Variants in RAPGEF2 observed in about 807,000 individuals in gnomAD.
RAPGEF2 encodes the protein PDZ domain containing guanine nucleotide exchange factor (GEF) 1.
RAPGEF2 carries 54 observed loss-of-function variants against 186.7 expected under a neutral mutation model. That is an observed-to-expected ratio of 0.29 (90% CI 0.23 to 0.36). The LOEUF (loss-of-function observed/expected upper bound fraction) is 0.36. RAPGEF2 is among the 10% of genes least tolerant of loss of function. The probability of loss-of-function intolerance (pLI) is 1.00; values close to 1 mark genes in which losing one functional copy is unlikely to be tolerated. For synonymous variants in RAPGEF2, 712 were observed against 705.9 expected (o/e 1.01, Z -0.14); for missense variants, 1,532 against 2,045.0 (o/e 0.75, Z 4.84).
At chr4:159,296,517 G>A (rs762038717) in intron 7 of RAPGEF2, among the ~76,000 whole-genome samples, 21 of 152,134 alleles carry the variant, frequency 1.4e-4, no homozygotes, top group South Asian at 4.1e-4. Flanking sequence ...CTCCCTAGCC[G>A]TTCATCTGGG....
intron 7 of RAPGEF2, among the ~76,000 whole-genome samples, chr4:159,289,612 A>G (rs2110946971): frequency 6.6e-6 from 1 of 152,208 alleles, no homozygotes; most frequent in East Asian, 1.9e-4. Context: ...AATACTTACT[A>G]TACCTTAGGT....
chr4:159,141,186 C>A (rs1328576575), intron 1 of RAPGEF2, among the ~76,000 whole-genome samples: 1 of 152,220 alleles, frequency 6.6e-6, no homozygotes, highest in Non-Finnish European at 1.5e-5. Flanking sequence ...CTGTATACCA[C>A]TGTTCCAAAT....
At chr4:159,236,319 A>T (rs970877487) in intron 4 of RAPGEF2, among the ~76,000 whole-genome samples, 3 of 152,360 alleles carry the variant, frequency 2.0e-5, no homozygotes, top group Admixed American at 2.0e-4. Context: ...CCCCAAAGTA[A>T]TAGTGTGCTA....
intron 2 of RAPGEF2, among the ~76,000 whole-genome samples, chr4:159,188,701 A>T (rs1405170949): frequency 6.6e-6 from 1 of 151,908 alleles, no homozygotes; most frequent in Non-Finnish European, 1.5e-5. Flanking sequence ...AAGAAAAGGT[A>T]TAAAAATACT....
chr4:159,337,889 CAAAAAAA>C lies in RAPGEF2; in HGVS notation c.2136-404_2136-398del, dbSNP rs553291521. 4.6e-4 allele frequency among the ~76,000 whole-genome samples: 15 copies of C among 32,576 alleles called. 1 individual carries two copies. Among genetic ancestry groups the C allele is most frequent in the South Asian group, 3.9e-3 (2 of 514 alleles). 21.4% of individuals were successfully genotyped at this position (32,576 alleles called of 152,430 possible). On this transcript the variant is annotated intron_variant, in intron 17 of 29. Transcript: ENST00000691494. ...TGGGTGACAGAGTGAGACTCCATCTCAAAAAAAAAAAAAAAAAAAAAAAAGAAAGAAA... is the reference window on the plus strand; with the variant it reads ...TGGGTGACAGAGTGAGACTCCATCTCAAAAAAAAAAAAAAAAAGAAAGAAA...
intron 6 of RAPGEF2, 66 bp from the exon 7 acceptor site, chr4:159,243,708 G>T (rs1186200338): frequency 9.5e-7 from 1 of 1,051,826 alleles, no homozygotes; most frequent in South Asian, 1.3e-5. Context: ...ATGTAATATA[G>T]CATGTCTGAT....
At chr4:159,251,622 A>G (rs1422201849) in intron 7 of RAPGEF2, among the ~76,000 whole-genome samples, 1 of 152,086 alleles carries the variant, frequency 6.6e-6, no homozygotes, top group Admixed American at 6.5e-5. Context: ...CTCTGTGTCT[A>G]GCAAGTCTCG....
intron 1 of RAPGEF2, among the ~76,000 whole-genome samples, chr4:159,172,444 A>G (rs4132668): frequency 0.49 from 74,281 of 151,890 alleles, 20,104 homozygotes; most frequent in African/African-American, 0.74. Context: ...TTCATAGGAT[A>G]TTCACTCTTA....
intron 1 of RAPGEF2, among the ~76,000 whole-genome samples, chr4:159,109,460 G>T (rs1001923888): frequency 6.6e-6 from 1 of 152,208 alleles, no homozygotes; most frequent in African/African-American, 2.4e-5. Context: ...TTCCTCGTCG[G>T]TAAAATGGAT....
At chr4:159,347,059 GA>G in intron 25 of RAPGEF2, 61 bp downstream of exon 25, 1 of 1,428,280 alleles carries the variant, frequency 7.0e-7, no homozygotes, top group South Asian at 1.3e-5. Context: ...TGCAAATTAG[GA>G]AAAAAATATT....
chr4:159,137,955 T>G (rs1741903989), intron 1 of RAPGEF2, among the ~76,000 whole-genome samples: 1 of 152,254 alleles, frequency 6.6e-6, no homozygotes, highest in Non-Finnish European at 1.5e-5. Flanking sequence ...GTTTTTAAAT[T>G]CTTTTCTTGA....
rs1388010441 is a variant in RAPGEF2 at position 159,339,242 on chromosome 4, C to T, written c.2422C>T (p.Pro808Ser). Residue 808 changes from proline (P) to serine (S), a missense_variant, in exon 19 of 30, where the codon CCG becomes TCG. Pro to Ser is a moderately conservative substitution (Grantham distance 74, BLOSUM62 -1). Around this residue, in one of 4 missense-constraint regions of RAPGEF2, gnomAD observed 810 missense variants for 1,210.5 expected, o/e 0.67. Transcript: ENST00000691494. ...AIREFAVTAT[P>S]DQYSLCEVSV... is the part of the protein sequence containing the mutation. ...CAGGGAGTTTGCTGTTACTGCCACC[C>T]CGGATCAATATTCACTATGTGAGGT... is the stretch of plus-strand genomic sequence containing the variant. The T allele has an allele frequency of 3.1e-6, 5 of 1,613,932 alleles. No homozygotes were observed. In the South Asian group the frequency reaches 5.5e-5, roughly 18 times the overall value.
intron 1 of RAPGEF2, among the ~76,000 whole-genome samples, chr4:159,182,715 G>A (rs1333664802): frequency 6.6e-6 from 1 of 151,936 alleles, no homozygotes; most frequent in East Asian, 1.9e-4. Context: ...TCTTTAAAAG[G>A]TTTCTAATTC....
Position 159,331,818 on chromosome 4 carries a change from G to T in RAPGEF2, c.1764G>T (p.Leu588Phe). ...GTAGCAAAGCAACTGAAGCAGGCTT[G>T]AAACGGGGGGATCAGGTATGCCATT... ...DSGSKATEAG[L>F]KRGDQILEVN... The change falls in exon 15 of 30, where the codon TTG (leucine) becomes TTT (phenylalanine). Residue 588 changes from leucine to phenylalanine, a missense_variant. By Grantham distance (22) the Leu-to-Phe change is conservative. Transcript: ENST00000691494. The T allele has an allele frequency of 1.2e-6, 2 of 1,614,034 alleles. No homozygotes were observed. Among genetic ancestry groups the T allele is most frequent in the Non-Finnish European group, 1.7e-6 (2 of 1,179,986 alleles).
chr4:159,314,875 T>C lies in RAPGEF2; in HGVS notation c.853+107T>C, dbSNP rs1044568025. 26 of 1,072,026 alleles carry C rather than the reference T, an allele frequency of 2.4e-5. No individual in the cohort carries two copies. In the African/African-American group the frequency reaches 4.1e-4, roughly 17 times the overall value. The allele number at this position is 1,072,026 out of a possible 1,614,324, so 66.4% of individuals were successfully genotyped here. On this transcript the variant is annotated intron_variant, in intron 9 of 29. Transcript: ENST00000691494. Reference sequence around the variant, plus strand: ...CTAGTAGGCTTTAAAAACTCATTAATTTATTAATTTCCTTTGTATAAACAG... The same window carrying C: ...CTAGTAGGCTTTAAAAACTCATTAACTTATTAATTTCCTTTGTATAAACAG...
At chr4:159,191,470 A>G (rs114876480) in intron 2 of RAPGEF2, among the ~76,000 whole-genome samples, 1,776 of 152,260 alleles carry the variant, frequency 0.012, 33 homozygotes, top group African/African-American at 0.04. Flanking sequence ...GCCGGGCGCG[A>G]TGGCTAATGC....
intron 1 of RAPGEF2, among the ~76,000 whole-genome samples, chr4:159,133,698 C>T (rs1167142657): frequency 6.6e-6 from 1 of 152,160 alleles, no homozygotes; most frequent in African/African-American, 2.4e-5. Context: ...ATTCTCCTGC[C>T]TCAGCCTCCC....
intron 4 of RAPGEF2, among the ~76,000 whole-genome samples, chr4:159,222,604 G>T (rs1751645975): frequency 6.6e-6 from 1 of 152,192 alleles, no homozygotes; most frequent in African/African-American, 2.4e-5. Flanking sequence ...ACTGCTAAGT[G>T]CTAAGGAACT....
chr4:159,219,801 G>A (rs539062122), intron 4 of RAPGEF2, among the ~76,000 whole-genome samples: 4 of 152,250 alleles, frequency 2.6e-5, no homozygotes, highest in South Asian at 2.1e-4. Flanking sequence ...TGCTTAGTCC[G>A]TACTAATGAG....
Sources: gnomAD v4.1 joint callset for allele counts (sites outside exome capture counted in the v4.1 genomes callset) on GRCh38, gnomAD v4.1.1 for gene constraint, gnomAD v4.1.1 regional missense constraint, MANE v1.5 for transcripts, NCBI Gene and HGNC (gene_info 2026-07-23, HGNC 2026-07-21) for gene names.